MPHOSPH6: variants seen among roughly 807,000 people sequenced by gnomAD.
MPHOSPH6 encodes M-phase phosphoprotein 6.
A neutral mutation model predicts 21.8 loss-of-function variants in MPHOSPH6; 25 were observed. The ratio of observed to expected loss-of-function variants is 1.15; its 90% CI spans 0.83 to 1.60. The LOEUF is 1.60. MPHOSPH6 is among the 40% of genes most tolerant of loss of function. The probability of loss-of-function intolerance (pLI) is 0.00; values close to 1 mark genes in which losing one functional copy is unlikely to be tolerated. For synonymous variants in MPHOSPH6, 84 were observed against 56.5 expected (o/e 1.49, Z -2.18); for missense variants, 269 against 181.8 (o/e 1.48, Z -2.76).
chr16:82,165,516 G>A (rs1906745421), intron 1 of MPHOSPH6, among the ~76,000 whole-genome samples: 4 of 152,074 alleles, frequency 2.6e-5, no homozygotes, highest in Admixed American at 2.6e-4. Flanking sequence ...TAAGTTAAAT[G>A]AAAAAACCTT....
At chr16:82,169,212 T>G (rs1055841217) in intron 1 of MPHOSPH6, among the ~76,000 whole-genome samples, 5 of 152,236 alleles carry the variant, frequency 3.3e-5, no homozygotes, top group Non-Finnish European at 5.9e-5. Flanking sequence ...TCAAATTCCC[T>G]GCACGTTGTG....
At chr16:82,159,310 T>G (rs1906531523) in intron 2 of MPHOSPH6, among the ~76,000 whole-genome samples, 1 of 152,220 alleles carries the variant, frequency 6.6e-6, no homozygotes, top group African/African-American at 2.4e-5. Context: ...AAAAATGTGT[T>G]AGGTAATGAA....
intron 2 of MPHOSPH6, among the ~76,000 whole-genome samples, chr16:82,159,548 G>A (rs2086304856): frequency 6.6e-6 from 1 of 152,070 alleles, no homozygotes; most frequent in Admixed American, 6.6e-5. Context: ...GGGACTACAG[G>A]CACACGCCAT....
intron 2 of MPHOSPH6, among the ~76,000 whole-genome samples, chr16:82,154,050 A>C (rs1046270797): frequency 2.0e-5 from 3 of 152,204 alleles, no homozygotes; most frequent in African/African-American, 7.2e-5. Flanking sequence ...TTGCCACATA[A>C]GGTAACACTC....
intron 2 of MPHOSPH6, among the ~76,000 whole-genome samples, chr16:82,162,663 C>T (rs1386362763): frequency 2.0e-5 from 3 of 152,184 alleles, no homozygotes; most frequent in Non-Finnish European, 4.4e-5. Context: ...TGCACTGCCC[C>T]GAGGGGCCCC....
chr16:82,164,152 C>G lies in MPHOSPH6; in HGVS notation c.94G>C (p.Glu32Gln), dbSNP rs1432614201. Residue 32 changes from glutamate (E) to glutamine (Q), a missense_variant, in exon 2 of 5, where the codon GAA becomes CAA. Glu to Gln is a conservative substitution (Grantham distance 29). Transcript: ENST00000258169. ...GLDSETKKQL[E>Q]EEEKKIISEE... ...CTAATGATTTTCTTTTCTTCTTCTT[C>G]TAGTTGTTTCTTGGTTTCTGAGTCC... is the stretch of plus-strand genomic sequence containing the variant. 6.2e-7 allele frequency: 1 copy of G among 1,612,060 alleles called. No homozygotes were observed. The highest frequency in any genetic ancestry group is 1.7e-4 in the Middle Eastern group (1 of 6,058).
intron 2 of MPHOSPH6, among the ~76,000 whole-genome samples, chr16:82,160,944 C>G (rs1357910247): frequency 1.5e-5 from 2 of 135,580 alleles, no homozygotes; most frequent in Non-Finnish European, 3.1e-5. Flanking sequence ...CCTCCCTACA[C>G]TCAGAGGAAA....
At chr16:82,156,620 T>A (rs1432189486) in intron 2 of MPHOSPH6, among the ~76,000 whole-genome samples, 1 of 152,138 alleles carries the variant, frequency 6.6e-6, no homozygotes, top group African/African-American at 2.4e-5. Flanking sequence ...ACTCCAAATG[T>A]TGGACTCTCA....
chr16:82,150,600 G>C (rs1383903329), intron 3 of MPHOSPH6, among the ~76,000 whole-genome samples: 2 of 152,192 alleles, frequency 1.3e-5, no homozygotes. Flanking sequence ...CTGTGAAAAT[G>C]TCTGGAAACA....
Position 82,148,658 on chromosome 16 carries a change from C to T in MPHOSPH6, c.*73G>A, listed in dbSNP as rs775851089. The T allele has an allele frequency of 6.5e-7, 1 of 1,547,706 alleles. No individual in the cohort carries two copies. ...TACAGTATTAATAACTATAGAGACA[C>T]CATTGGGATGAGCTCCAGATGCCCT... On this transcript the variant is annotated 3_prime_UTR_variant, in exon 5 of 5. Coordinates refer to ENST00000258169, the MANE Select transcript of MPHOSPH6 (RefSeq NM_005792.2).
intron 1 of MPHOSPH6, among the ~76,000 whole-genome samples, chr16:82,168,282 A>G (rs764933916): frequency 6.6e-6 from 1 of 152,212 alleles, no homozygotes; most frequent in Non-Finnish European, 1.5e-5. Flanking sequence ...CTCTGAAGTT[A>G]ATGTTATTAC....
intron 1 of MPHOSPH6, among the ~76,000 whole-genome samples, chr16:82,165,160 C>G (rs1268342023): frequency 4.3e-5 from 5 of 115,886 alleles, no homozygotes; most frequent in African/African-American, 1.6e-4. Flanking sequence ...CAGAGTCTCA[C>G]TCTGTCGCCC....
intron 2 of MPHOSPH6, among the ~76,000 whole-genome samples, chr16:82,161,121 C>G (rs1473838909): frequency 2.0e-5 from 3 of 152,320 alleles, no homozygotes; most frequent in Non-Finnish European, 2.9e-5. Context: ...CAGGTTCAAC[C>G]AGTTCTTCGG....
chr16:82,164,283 C>G, intron 1 of MPHOSPH6, 89 bp from the exon 2 acceptor site: 1 of 804,522 alleles, frequency 1.2e-6, no homozygotes, highest in Non-Finnish European at 2.0e-6. Flanking sequence ...TACTTGTTCT[C>G]CTTCATTTAT....
Position 82,148,711 on chromosome 16 carries a change from C to T in MPHOSPH6, c.*20G>A, listed in dbSNP as rs140554747. Reference sequence around the variant, plus strand: ...TGACTTCCACCAAGCACCCCTGGGCCATCGCTTAAGGCATCCATCTTAATC... The same window carrying T: ...TGACTTCCACCAAGCACCCCTGGGCTATCGCTTAAGGCATCCATCTTAATC... On this transcript the variant is annotated 3_prime_UTR_variant, in exon 5 of 5. Transcript: ENST00000258169. The T allele has an allele frequency of 2.5e-3, 3,990 of 1,613,118 alleles. 100 individuals carry two copies. The African/African-American group carries it at 0.048, about 19-fold the overall frequency.
intron 2 of MPHOSPH6, among the ~76,000 whole-genome samples, chr16:82,152,466 T>G (rs1051420000): frequency 2.6e-5 from 4 of 152,146 alleles, no homozygotes; most frequent in African/African-American, 9.7e-5. Context: ...GGCTCTTCAT[T>G]TCCAAGGGGG....
At chr16:82,170,049 G>A in intron 1 of MPHOSPH6, 76 bp downstream of exon 1, 1 of 1,493,764 alleles carries the variant, frequency 6.7e-7, no homozygotes, top group South Asian at 1.2e-5. Context: ...TTGTCCGCCC[G>A]CCGCCTCGGC....
chr16:82,151,484 T>C lies in MPHOSPH6; in HGVS notation c.195A>G (p.Leu65=). The change falls in exon 3 of 5, where the codon TTA becomes TTG. Residue 65 remains leucine (L), a synonymous_variant. Coordinates refer to ENST00000258169, the MANE Select transcript of MPHOSPH6 (RefSeq NM_005792.2). ...ESFIIEEQSF[L]LCEDLLYGRM... Reference sequence around the variant, plus strand: ...TTCCATAGAGAAGATCTTCACATAGTAAGAAACTCTGCTCTTCTATTATGA... The same window carrying C: ...TTCCATAGAGAAGATCTTCACATAGCAAGAAACTCTGCTCTTCTATTATGA... 2 of 1,603,212 alleles carry C rather than the reference T, an allele frequency of 1.2e-6. No individual in the cohort carries two copies. Among genetic ancestry groups the C allele is most frequent in the Non-Finnish European group, 1.7e-6 (2 of 1,175,302 alleles).
At chr16:82,157,100 C>T (rs1280225934) in intron 2 of MPHOSPH6, among the ~76,000 whole-genome samples, 2 of 151,914 alleles carry the variant, frequency 1.3e-5, no homozygotes, top group African/African-American at 4.8e-5. Flanking sequence ...GGAAACAACC[C>T]AATCATGAGT....
Sources: gnomAD v4.1 joint callset for allele counts (sites outside exome capture counted in the v4.1 genomes callset) on GRCh38, gnomAD v4.1.1 for gene constraint, MANE v1.5 for transcripts, NCBI Gene and HGNC (gene_info 2026-07-23, HGNC 2026-07-21) for gene names.